Variants in TLE3 observed in about 807,000 individuals in gnomAD.
TLE3 encodes TLE family member 3, transcriptional corepressor.
A neutral mutation model predicts 93.0 loss-of-function variants in TLE3; 14 were observed. That is an observed-to-expected ratio of 0.15 (90% CI 0.10 to 0.24). The LOEUF (loss-of-function observed/expected upper bound fraction) is 0.24. TLE3 is among the 10% of genes least tolerant of loss of function. TLE3 has a pLI of 1.00. For synonymous variants in TLE3, 451 were observed against 425.0 expected (o/e 1.06, Z -0.75); for missense variants, 693 against 1,046.6 (o/e 0.66, Z 4.66).
intron 13 of TLE3, among the ~76,000 whole-genome samples, chr15:70,057,141 C>T (rs1259374178): frequency 6.6e-6 from 1 of 152,240 alleles, no homozygotes; most frequent in African/African-American, 2.4e-5. Context: ...CATCACCTGA[C>T]TTGCCCTGGG....
At chr15:70,095,342 C>A in intron 3 of TLE3, 1 of 1,427,064 alleles carries the variant, frequency 7.0e-7, no homozygotes, top group Non-Finnish European at 9.1e-7. Context: ...GTACAGAAGT[C>A]TCCGGCCTGG....
At chr15:70,056,066 T>C (rs114931035) in intron 14 of TLE3, 1 of 603,540 alleles carries the variant, frequency 1.7e-6, no homozygotes, top group African/African-American at 1.8e-5. Context: ...GCTAACTCCA[T>C]GGCTCCTCTG....
intron 8 of TLE3, 21 bp from the exon 9 acceptor site, chr15:70,060,670 C>G: frequency 1.2e-6 from 2 of 1,612,460 alleles, no homozygotes; most frequent in Non-Finnish European, 1.7e-6. Context: ...AAAGAGGGTT[C>G]GGGGTTAAAA....
chr15:70,058,893 A>T lies in TLE3; in HGVS notation c.766-78T>A. On this transcript the variant is annotated intron_variant, in intron 10 of 19. Coordinates refer to ENST00000451782, the MANE Select transcript of TLE3 (RefSeq NM_001105192.3). The surrounding 1 kb of genome is among the most constrained non-coding windows in gnomAD (Gnocchi z 4.1). The stretch of plus-strand genomic sequence containing the variant: ...GCTTCCCTGCTCTGGGAGTGGGAAG[A>T]GAGAGGGCATGGGCGATGGGAAGAC... 1 of 1,458,552 alleles carries T rather than the reference A, an allele frequency of 6.9e-7. No homozygotes were observed. The highest frequency in any genetic ancestry group is 9.0e-7 in the Non-Finnish European group (1 of 1,107,282). 90.4% of individuals were successfully genotyped at this position (1,458,552 alleles called of 1,614,324 possible).
chr15:70,091,854 T>A (rs1178820547), intron 4 of TLE3, among the ~76,000 whole-genome samples: 2 of 152,072 alleles, frequency 1.3e-5, no homozygotes, highest in South Asian at 2.1e-4. Context: ...TTAAAAAAAA[T>A]ATGTGGTGGT....
At chr15:70,061,591 C>A (rs2056478181) in intron 8 of TLE3, among the ~76,000 whole-genome samples, 1 of 152,134 alleles carries the variant, frequency 6.6e-6, no homozygotes, top group Non-Finnish European at 1.5e-5. Context: ...GAGGGAAGTG[C>A]AACTGGCAAG....
intron 4 of TLE3, among the ~76,000 whole-genome samples, chr15:70,078,720 C>T (rs963702365): frequency 2.6e-5 from 4 of 152,218 alleles, no homozygotes; most frequent in African/African-American, 4.8e-5. Flanking sequence ...CCAGGCCAAT[C>T]GCAAGCCACC....
In TLE3 at chr15:70,056,954, G is replaced by C. The variant is rs538589078; in HGVS notation, c.1251+505C>G. On this transcript the variant is annotated intron_variant, in intron 13 of 19. Transcript: ENST00000451782. ...AGTAGAGATGAGGTTTCACCACGTT[G>C]GCTGGCCAGGCTGGTCTCGATTTCC... Among the ~76,000 whole-genome samples, 3 of 152,216 alleles carry C rather than the reference G, an allele frequency of 2.0e-5. No individual in the cohort carries two copies. In the South Asian group the frequency reaches 6.2e-4, roughly 32 times the overall value.
intron 4 of TLE3, among the ~76,000 whole-genome samples, chr15:70,077,521 G>T (rs568373157): frequency 6.6e-6 from 1 of 152,352 alleles, no homozygotes; most frequent in Admixed American, 6.5e-5. Flanking sequence ...GACCTCGGGA[G>T]AATTCCTTGG....
chr15:70,056,494 G>C, intron 13 of TLE3, 120 bp from the exon 14 acceptor site: 2 of 874,692 alleles, frequency 2.3e-6, no homozygotes, highest in South Asian at 1.5e-5. Flanking sequence ...TAACCCAAGA[G>C]ACAAGCTGAG....
At chr15:70,054,755 G>T in intron 15 of TLE3, 70 bp from the exon 16 acceptor site, 2 of 1,469,190 alleles carry the variant, frequency 1.4e-6, no homozygotes, top group Non-Finnish European at 1.8e-6. Context: ...GTCCTGTCCA[G>T]CAACACCGAG....
At chr15:70,053,725 G>A in intron 16 of TLE3, 1 of 196,676 alleles carries the variant, frequency 5.1e-6, no homozygotes, top group Non-Finnish European at 1.0e-5. Context: ...GGAAGGCCCT[G>A]GGGAAGCTAC....
intron 6 of TLE3, among the ~76,000 whole-genome samples, chr15:70,068,737 C>G (rs1233840729): frequency 6.6e-6 from 1 of 152,192 alleles, no homozygotes; most frequent in Non-Finnish European, 1.5e-5. Flanking sequence ...TGAATAGCTC[C>G]ACGCACCCTG....
In TLE3 at chr15:70,049,348, G is replaced by C. The variant is rs1007779533; in HGVS notation, c.*749C>G. The C allele has an allele frequency of 5.3e-5, 8 of 152,214 alleles. No homozygotes were observed. Among genetic ancestry groups the C allele is most frequent in the African/African-American group, 1.9e-4 (8 of 41,440 alleles). The allele number at this position is 152,214 out of a possible 1,614,324, so 9.4% of individuals were successfully genotyped here. ...TGCCTTCCATCCCTCAGTCTGGCCGGCTGGTTATCAGTCCGGATGCCCAGA... is the reference window on the plus strand; with the variant it reads ...TGCCTTCCATCCCTCAGTCTGGCCGCCTGGTTATCAGTCCGGATGCCCAGA... On this transcript the variant is annotated 3_prime_UTR_variant, in exon 20 of 20. Coordinates refer to ENST00000451782, the MANE Select transcript of TLE3 (RefSeq NM_001105192.3).
Position 70,055,038 on chromosome 15 carries a change from G to A in TLE3, c.1578+11C>T, listed in dbSNP as rs765273022. On this transcript the variant is annotated intron_variant, in intron 15 of 19. Coordinates refer to ENST00000451782, the MANE Select transcript of TLE3 (RefSeq NM_001105192.3). Reference sequence around the variant, plus strand: ...CAGCTGGAGGCGGCGCAGCAGCCCTGGGATTCTCACCAGGCAGTCCAGCTG... The same window carrying A: ...CAGCTGGAGGCGGCGCAGCAGCCCTAGGATTCTCACCAGGCAGTCCAGCTG... 4 of 1,598,260 alleles carry A rather than the reference G, an allele frequency of 2.5e-6. No homozygotes were observed. The South Asian group carries it at 4.5e-5, about 18-fold the overall frequency.
chr15:70,075,957 C>T, intron 5 of TLE3, 139 bp downstream of exon 5: 1 of 752,546 alleles, frequency 1.3e-6, no homozygotes, highest in East Asian at 2.6e-5. Flanking sequence ...CTGGAAATCT[C>T]CAGGTTGTCA....
intron 6 of TLE3, among the ~76,000 whole-genome samples, chr15:70,072,910 T>C (rs1418057547): frequency 6.6e-6 from 1 of 152,202 alleles, no homozygotes; most frequent in African/African-American, 2.4e-5. Flanking sequence ...ATATCATGAT[T>C]TCCCCTCTTG....
At chr15:70,053,446 G>T in intron 16 of TLE3, 72 bp from the exon 17 acceptor site, 1 of 1,506,840 alleles carries the variant, frequency 6.6e-7, no homozygotes, top group Non-Finnish European at 9.0e-7. Context: ...CATCCCAGGG[G>T]CAGTCTGAGC....
At chr15:70,094,383 A>C (rs2058449790) in intron 4 of TLE3, 149 bp downstream of exon 4, 2 of 635,902 alleles carry the variant, frequency 3.1e-6, no homozygotes, top group South Asian at 4.2e-5. Context: ...CAGACCTTGC[A>C]TTTCAAGGAC....
Sources: gnomAD v4.1 joint callset for allele counts (sites outside exome capture counted in the v4.1 genomes callset) on GRCh38, gnomAD v4.1.1 for gene constraint, Gnocchi (gnomAD v3.1) non-coding constraint, MANE v1.5 for transcripts, NCBI Gene and HGNC (gene_info 2026-07-23, HGNC 2026-07-21) for gene names.